The following TRIO variants were observed in gnomAD, a reference collection of about 807,000 sequenced individuals.
TRIO encodes trio Rho guanine nucleotide exchange factor, also known as triple functional domain protein.
A neutral mutation model predicts 351.9 loss-of-function variants in TRIO; 58 were observed. The ratio of observed to expected loss-of-function variants is 0.16; its 90% CI spans 0.13 to 0.21. TRIO has a LOEUF of 0.21. TRIO is among the 10% of genes least tolerant of loss of function. TRIO has a pLI of 1.00. For missense variants in TRIO, 3,201 were observed against 4,027.8 expected (o/e 0.79, Z 5.56); for synonymous variants, 1,758 against 1,595.7 (o/e 1.10, Z -2.42).
chr5:14,196,451 G>C (rs1040987518), intron 1 of TRIO, among the ~76,000 whole-genome samples: 2 of 148,160 alleles, frequency 1.3e-5, no homozygotes, highest in African/African-American at 4.9e-5. Flanking sequence ...AGGATTTGCT[G>C]TGAGTGGTGG....
Position 14,504,529 on chromosome 5 carries a change from C to T in TRIO, c.8548C>T (p.Pro2850Ser). Residue 2850 changes from proline (P) to serine (S), a missense_variant, in exon 55 of 57, where the codon CCC (proline) becomes TCC (serine). Transcript: ENST00000344204. Reference sequence around the variant, plus strand: ...TGGCATCCTGCAGAGCCTCCAGCACCCCCTGCTTGTCGGCCTCCTCGACAC... The same window carrying T: ...TGGCATCCTGCAGAGCCTCCAGCACTCCCTGCTTGTCGGCCTCCTCGACAC... Reference protein sequence around the residue: ...ELGILQSLQHPLLVGLLDTFE... With the variant: ...ELGILQSLQHSLLVGLLDTFE... The T allele has an allele frequency of 1.2e-6, 2 of 1,614,138 alleles. No homozygotes were observed. Among genetic ancestry groups the T allele is most frequent in the Non-Finnish European group, 1.7e-6 (2 of 1,180,038 alleles).
intron 11 of TRIO, among the ~76,000 whole-genome samples, chr5:14,340,408 A>G (rs1334083721): frequency 3.3e-5 from 5 of 151,764 alleles, no homozygotes; most frequent in African/African-American, 1.2e-4. Context: ...AAAAAAAAAA[A>G]AAAAAAGAAA....
At chr5:14,157,143 G>A (rs1030853424) in intron 1 of TRIO, among the ~76,000 whole-genome samples, 3 of 152,180 alleles carry the variant, frequency 2.0e-5, no homozygotes, top group Admixed American at 6.5e-5. Context: ...AAGAAGCTGA[G>A]TTCATGTGTT....
intron 8 of TRIO, among the ~76,000 whole-genome samples, chr5:14,311,867 G>C (rs1342751540): frequency 6.6e-6 from 1 of 152,124 alleles, no homozygotes; most frequent in Non-Finnish European, 1.5e-5. Flanking sequence ...TTTATTACAG[G>C]CTAAATGTCT....
At chr5:14,277,505 C>T (rs1395562905) in intron 2 of TRIO, among the ~76,000 whole-genome samples, 1 of 152,134 alleles carries the variant, frequency 6.6e-6, no homozygotes, top group Non-Finnish European at 1.5e-5. Context: ...GCATTGATTT[C>T]CTATCTATAA....
At chr5:14,498,850 CGGG>C (rs1757079990) in intron 53 of TRIO, 1 of 602,302 alleles carries the variant, frequency 1.7e-6, no homozygotes, top group Non-Finnish European at 2.6e-6. Context: ...TATGTAAAGT[CGGG>C]GGAGACACCG....
intron 34 of TRIO, among the ~76,000 whole-genome samples, chr5:14,432,534 G>C (rs1424153455): frequency 2.0e-5 from 3 of 152,218 alleles, no homozygotes; most frequent in South Asian, 2.1e-4. Flanking sequence ...TCAAGTTTCA[G>C]ATTTCCAGTT....
intron 1 of TRIO, among the ~76,000 whole-genome samples, chr5:14,172,902 C>T (rs936894625): frequency 1.3e-5 from 2 of 152,176 alleles, no homozygotes; most frequent in African/African-American, 4.8e-5. Flanking sequence ...GAAGAGCTGG[C>T]CTTTGAGTGG....
At chr5:14,213,882 G>A (rs866128894) in intron 1 of TRIO, among the ~76,000 whole-genome samples, 41 of 152,240 alleles carry the variant, frequency 2.7e-4, no homozygotes, top group African/African-American at 9.4e-4. Context: ...CAGGGCAGGA[G>A]ACTGACAGTG....
intron 1 of TRIO, among the ~76,000 whole-genome samples, chr5:14,250,619 A>C (rs1016328127): frequency 1.3e-5 from 2 of 152,068 alleles, no homozygotes; most frequent in Non-Finnish European, 2.9e-5. Flanking sequence ...CTGCTTTCCC[A>C]TGAGTTCTGA....
chr5:14,182,238 G>A lies in TRIO; in HGVS notation c.157+38356G>A, dbSNP rs768120845. Among the ~76,000 whole-genome samples the A allele has an allele frequency of 2.6e-5, 4 of 152,334 alleles. No homozygotes were observed. In the Middle Eastern group the frequency reaches 0.014, roughly 518 times the overall value. ...AAGTGGGAAGGACCCCGGCTCTGCT[G>A]TGAGGCTCAGGGAGAGAGAGTGCAC... On this transcript the variant is annotated intron_variant, in intron 1 of 56. Transcript: ENST00000344204.
At chr5:14,280,811 G>A (rs958845284) in intron 3 of TRIO, among the ~76,000 whole-genome samples, 6 of 152,176 alleles carry the variant, frequency 3.9e-5, no homozygotes, top group African/African-American at 1.4e-4. Flanking sequence ...CTTGGCAAAC[G>A]TTAGTTCTTT....
At chr5:14,359,307 C>T in intron 12 of TRIO, 50 bp from the exon 13 acceptor site, 4 of 1,583,546 alleles carry the variant, frequency 2.5e-6, no homozygotes, top group Non-Finnish European at 3.5e-6. Flanking sequence ...TGGTATCTAA[C>T]AATGTGTGAC....
intron 34 of TRIO, among the ~76,000 whole-genome samples, chr5:14,456,785 G>A (rs1753345818): frequency 6.6e-6 from 1 of 152,162 alleles, no homozygotes; most frequent in African/African-American, 2.4e-5. Flanking sequence ...TTAGGACATG[G>A]GATTTAATTT....
chr5:14,372,002 T>C (rs1745153268), intron 18 of TRIO, among the ~76,000 whole-genome samples: 1 of 152,100 alleles, frequency 6.6e-6, no homozygotes, highest in Non-Finnish European at 1.5e-5. Context: ...CATATTGATT[T>C]GGTTGGGTAT....
intron 18 of TRIO, among the ~76,000 whole-genome samples, chr5:14,371,641 T>C (rs983953073): frequency 3.6e-4 from 53 of 149,042 alleles, no homozygotes; most frequent in African/African-American, 1.3e-3. Flanking sequence ...GTTCTGTAAA[T>C]GTTTTTTTTT....
chr5:14,221,174 A>G (rs1792592790), intron 1 of TRIO, among the ~76,000 whole-genome samples: 1 of 152,208 alleles, frequency 6.6e-6, no homozygotes, highest in Admixed American at 6.5e-5. Context: ...ATCTGTTGAC[A>G]GCATGGTTTA....
intron 31 of TRIO, among the ~76,000 whole-genome samples, chr5:14,403,599 T>C (rs1748386906): frequency 8.8e-6 from 1 of 114,232 alleles, no homozygotes; most frequent in African/African-American, 3.5e-5. Context: ...GTGGTGAGGG[T>C]GCAGGTTGTG....
At chr5:14,403,531 TGTG>T (rs201242784) in intron 31 of TRIO, among the ~76,000 whole-genome samples, 13 of 17,624 alleles carry the variant, frequency 7.4e-4, no homozygotes, top group Admixed American at 2.0e-3. Flanking sequence ...GGGTGCAGGT[TGTG>T]GTGAGGGTGC....
Sources: allele counts gnomAD v4.1 joint callset (sites outside exome capture counted in the v4.1 genomes callset), GRCh38; gene constraint gnomAD v4.1.1; transcripts MANE v1.5; gene names NCBI Gene and HGNC (gene_info 2026-07-23, HGNC 2026-07-21).